Variants in SBF2 observed in about 807,000 individuals in gnomAD.
SBF2 encodes the protein SET binding factor 2, also known as myotubularin-related protein 13.
In SBF2, 112 loss-of-function variants were observed where a neutral mutation model predicts 225.2. The ratio of observed to expected loss-of-function variants is 0.50; its 90% CI spans 0.43 to 0.58. The LOEUF (loss-of-function observed/expected upper bound fraction) is 0.58. Ranked by LOEUF, SBF2 falls within the 20% of genes least tolerant of loss-of-function variation. The pLI is 0.00. For missense variants in SBF2, 1,996 were observed against 2,206.2 expected (o/e 0.90, Z 1.91); for synonymous variants, 763 against 773.3 (o/e 0.99, Z 0.22).
chr11:10,281,889 C>A (rs1433824645), intron 1 of SBF2, among the ~76,000 whole-genome samples: 1 of 152,146 alleles, frequency 6.6e-6, no homozygotes, highest in Non-Finnish European at 1.5e-5. Flanking sequence ...TACCCCCAGA[C>A]CTCCAGGTCT....
intron 2 of SBF2, among the ~76,000 whole-genome samples, chr11:10,095,054 C>T (rs1951961000): frequency 6.6e-6 from 1 of 151,800 alleles, no homozygotes; most frequent in Non-Finnish European, 1.5e-5. Context: ...TTCTGAGTAG[C>T]TGGGACTATA....
chr11:10,246,935 G>A (rs1959859549), intron 1 of SBF2, among the ~76,000 whole-genome samples: 1 of 152,114 alleles, frequency 6.6e-6, no homozygotes, highest in Non-Finnish European at 1.5e-5. Flanking sequence ...AAGTAGCCCA[G>A]CATGGTGCTG....
rs1207752905 is a variant in SBF2, at chr11:9,789,432, A to AG, written c.4699-91dup. On this transcript the variant is annotated intron_variant, in intron 34 of 39. Coordinates refer to ENST00000256190, the MANE Select transcript of SBF2 (RefSeq NM_030962.4). The stretch of plus-strand genomic sequence containing the variant: ...CAAACCCCTAACATTTATAGAGTCC[A>AG]GGGGAGGAAGAGTATGAATGGAGTT... 8 of 859,274 alleles carry AG rather than the reference A, an allele frequency of 9.3e-6. No homozygotes were observed. In the Admixed American group the frequency reaches 1.1e-4, roughly 12 times the overall value. The allele number at this position is 859,274 out of a possible 1,614,324, so 53.2% of individuals were successfully genotyped here.
intron 1 of SBF2, among the ~76,000 whole-genome samples, chr11:10,212,143 GATATGGGA>G (rs1957963804): frequency 2.0e-5 from 3 of 152,178 alleles, no homozygotes; most frequent in African/African-American, 7.2e-5. Context: ...TTAACCCATG[GATATGGGA>G]ACTAATTTGG....
Position 10,002,591 on chromosome 11 carries a change from C to T in SBF2, c.718G>A (p.Ala240Thr). Residue 240 changes from alanine (A) to threonine (T), a missense_variant, in exon 7 of 40, where the codon GCC becomes ACC. Ala to Thr is a moderately conservative substitution (Grantham distance 58, BLOSUM62 0). Coordinates refer to ENST00000256190, the MANE Select transcript of SBF2 (RefSeq NM_030962.4). ...AGAGGAAACATTAAAGATTCCAGGG[C>T]TCTACAAGCATCACTAAGTCTCTGG... ...SFQRLSDACR[A>T]LESLMFPLKY... The T allele has an allele frequency of 1.2e-6, 2 of 1,612,670 alleles. No homozygotes were observed. The highest frequency in any genetic ancestry group is 1.7e-6 in the Non-Finnish European group (2 of 1,178,790).
intron 13 of SBF2, among the ~76,000 whole-genome samples, chr11:9,984,544 A>G (rs1947108768): frequency 6.6e-6 from 1 of 152,198 alleles, no homozygotes; most frequent in Non-Finnish European, 1.5e-5. Flanking sequence ...CGGCCTTGCA[A>G]GAGACCTAGA....
chr11:9,856,424 T>C, intron 19 of SBF2, 34 bp downstream of exon 19: 5 of 1,612,250 alleles, frequency 3.1e-6, no homozygotes, highest in Non-Finnish European at 4.2e-6. Context: ...CCAAGAAGAG[T>C]AGGAGGAGGG....
In SBF2 at chr11:10,005,198, T is replaced by C. The variant is rs147726571; in HGVS notation, c.620-2509A>G. 1.1e-4 allele frequency among the ~76,000 whole-genome samples: 16 copies of C among 152,306 alleles called. 1 individual carries two copies. Among genetic ancestry groups the C allele is most frequent in the African/African-American group, 3.1e-4 (13 of 41,564 alleles). On this transcript the variant is annotated intron_variant, in intron 6 of 39. Coordinates refer to ENST00000256190, the MANE Select transcript of SBF2 (RefSeq NM_030962.4). ...AGGAGTTGGCGAGCGGGCTCATGCCTGTGTAGTTAAGAGGCAAAATGGCAG... is the reference window on the plus strand; with the variant it reads ...AGGAGTTGGCGAGCGGGCTCATGCCCGTGTAGTTAAGAGGCAAAATGGCAG...
chr11:10,284,400 C>A (rs1382752274), intron 1 of SBF2, among the ~76,000 whole-genome samples: 1 of 152,146 alleles, frequency 6.6e-6, no homozygotes, highest in Non-Finnish European at 1.5e-5. Flanking sequence ...CCTTTTATAA[C>A]CACATCCACC....
At chr11:9,972,444 T>A (rs1946506925) in intron 13 of SBF2, among the ~76,000 whole-genome samples, 2 of 152,282 alleles carry the variant, frequency 1.3e-5, no homozygotes, top group African/African-American at 4.8e-5. Flanking sequence ...CTACTTACAT[T>A]TTAGTAATTA....
intron 32 of SBF2, among the ~76,000 whole-genome samples, chr11:9,804,357 G>C (rs1027961144): frequency 6.6e-6 from 1 of 152,136 alleles, no homozygotes; most frequent in African/African-American, 2.4e-5. Context: ...GTAGAAACAA[G>C]GTAGCTGCTG....
At chr11:10,082,298 T>C (rs1590916610) in intron 2 of SBF2, among the ~76,000 whole-genome samples, 3 of 152,126 alleles carry the variant, frequency 2.0e-5, no homozygotes, top group South Asian at 4.1e-4. Context: ...CTACCAGATA[T>C]ACAAAGAATA....
At chr11:10,291,181 A>C (rs1170019352) in intron 1 of SBF2, among the ~76,000 whole-genome samples, 1 of 152,202 alleles carries the variant, frequency 6.6e-6, no homozygotes, top group East Asian at 1.9e-4. Context: ...CGTATGTTAA[A>C]ATCCTAACAC....
intron 1 of SBF2, among the ~76,000 whole-genome samples, chr11:10,272,741 G>A: frequency 6.6e-6 from 1 of 151,242 alleles, no homozygotes; most frequent in East Asian, 1.9e-4. Context: ...CTCCAGCCTG[G>A]GCAACAGAGC....
chr11:10,229,990 G>T (rs1475757874), intron 1 of SBF2, among the ~76,000 whole-genome samples: 4 of 152,008 alleles, frequency 2.6e-5, no homozygotes, highest in African/African-American at 9.7e-5. Context: ...TATGAATCTG[G>T]GTGCTCCTGT....
chr11:10,302,003 C>G (rs1295037667), intron 1 of SBF2, among the ~76,000 whole-genome samples: 1 of 152,014 alleles, frequency 6.6e-6, no homozygotes, highest in East Asian at 1.9e-4. Context: ...TTTTTCTTTT[C>G]TCTTTTCTTG....
At chr11:10,018,230 C>T (rs551022472) in intron 6 of SBF2, among the ~76,000 whole-genome samples, 2 of 152,154 alleles carry the variant, frequency 1.3e-5, no homozygotes, top group East Asian at 3.9e-4. Flanking sequence ...GATATATCAT[C>T]AATCATAAAA....
At chr11:9,845,941 G>A (rs1248401803) in intron 23 of SBF2, among the ~76,000 whole-genome samples, 1 of 152,184 alleles carries the variant, frequency 6.6e-6, no homozygotes, top group Non-Finnish European at 1.5e-5. Flanking sequence ...TAGTTGGCAA[G>A]GAAAATCATG....
intron 16 of SBF2, among the ~76,000 whole-genome samples, chr11:9,906,028 A>T (rs545064809): frequency 6.6e-6 from 1 of 152,300 alleles, no homozygotes; most frequent in Non-Finnish European, 1.5e-5. Context: ...TCTATGGATT[A>T]TATATAATAA....
Sources: allele counts gnomAD v4.1 joint callset (sites outside exome capture counted in the v4.1 genomes callset), GRCh38; gene constraint gnomAD v4.1.1; transcripts MANE v1.5; gene names NCBI Gene and HGNC (gene_info 2026-07-23, HGNC 2026-07-21).